The following CHL1 variants were observed in gnomAD, a reference collection of about 807,000 sequenced individuals.
CHL1 encodes the protein cell adhesion molecule L1 like.
CHL1 carries 96 observed loss-of-function variants against 141.9 expected under a neutral mutation model. The ratio of observed to expected loss-of-function variants is 0.68; its 90% confidence interval spans 0.57 to 0.80. The LOEUF (loss-of-function observed/expected upper bound fraction) is 0.80, where lower values mean the gene tolerates loss of function less well. Ranked by LOEUF, CHL1 falls within the 30% of genes least tolerant of loss-of-function variation. The pLI, the probability that CHL1 is intolerant of heterozygous loss-of-function variation, is 0.00. For synonymous variants in CHL1, 613 were observed against 502.2 expected (o/e 1.22, Z -2.95); for missense variants, 1,820 against 1,457.2 (o/e 1.25, Z -4.05).
chr3:361,794 G>C lies in CHL1; in HGVS notation c.1402G>C (p.Glu468Gln). 4 of 1,611,856 alleles carry C rather than the reference G, an allele frequency of 2.5e-6. No individual in the cohort carries two copies. In the South Asian group the frequency reaches 3.3e-5, roughly 13 times the overall value. Reference sequence around the variant, plus strand: ...ACATTGCGAGTTCTTTGCTTCACCTGAGGCAGTCGTGTCCTGGTAAGCCGG... The same window carrying C: ...ACATTGCGAGTTCTTTGCTTCACCTCAGGCAGTCGTGTCCTGGTAAGCCGG... ...FLHCEFFASP[E>Q]AVVSWQKVEE... is the part of the protein sequence containing the mutation. The change falls in exon 13 of 28, where the codon GAG (glutamate) becomes CAG (glutamine). Residue 468 changes from glutamate (E) to glutamine (Q), a missense_variant. Transcript: ENST00000256509.
chr3:202,090 C>T (rs1400832833), intron 1 of CHL1, among the ~76,000 whole-genome samples: 1 of 152,170 alleles, frequency 6.6e-6, no homozygotes, highest in Non-Finnish European at 1.5e-5. Context: ...TGTCAGCTTG[C>T]AGGTGTGTGG....
intron 2 of CHL1, among the ~76,000 whole-genome samples, chr3:300,534 A>T (rs1222548826): frequency 6.6e-6 from 1 of 152,132 alleles, no homozygotes; most frequent in Non-Finnish European, 1.5e-5. Context: ...ATTGGCATCC[A>T]ATTATTTTAT....
At chr3:346,739 C>G (rs887962078) in intron 9 of CHL1, among the ~76,000 whole-genome samples, 2 of 152,056 alleles carry the variant, frequency 1.3e-5, no homozygotes, top group African/African-American at 2.4e-5. Context: ...TGATCTGGGT[C>G]GTCTCTCAGA....
intron 5 of CHL1, among the ~76,000 whole-genome samples, chr3:332,482 G>T (rs1053841587): frequency 6.6e-6 from 1 of 152,138 alleles, no homozygotes; most frequent in Non-Finnish European, 1.5e-5. Context: ...TGTAAAATGG[G>T]TAGTAAGTGA....
chr3:383,478 G>T (rs572912226), intron 18 of CHL1, among the ~76,000 whole-genome samples: 1 of 151,860 alleles, frequency 6.6e-6, no homozygotes, highest in Non-Finnish European at 1.5e-5. Context: ...AATAGAGCAG[G>T]CTTAAATTAA....
At chr3:349,280 AG>A in intron 9 of CHL1, 78 bp from the exon 10 acceptor site, 2 of 1,234,932 alleles carry the variant, frequency 1.6e-6, no homozygotes, top group Non-Finnish European at 1.1e-6. Context: ...ACCCTGATAA[AG>A]GATGTGTCCT....
intron 1 of CHL1, among the ~76,000 whole-genome samples, chr3:211,007 C>A (rs1050255851): frequency 3.9e-5 from 6 of 152,162 alleles, no homozygotes; most frequent in African/African-American, 1.4e-4. Context: ...CTTTTCTCCT[C>A]TGATCTATTT....
intron 2 of CHL1, among the ~76,000 whole-genome samples, chr3:283,494 C>G (rs1379871280): frequency 1.3e-5 from 2 of 152,152 alleles, no homozygotes; most frequent in Admixed American, 1.3e-4. Flanking sequence ...ATTAGTCTAG[C>G]CAGTCAACTA....
intron 10 of CHL1, among the ~76,000 whole-genome samples, chr3:354,180 T>A (rs1230618811): frequency 6.6e-6 from 1 of 152,156 alleles, no homozygotes; most frequent in Non-Finnish European, 1.5e-5. Flanking sequence ...ATATTCAAAA[T>A]AAGCATTAAA....
chr3:302,108 T>C (rs6768176), intron 2 of CHL1, among the ~76,000 whole-genome samples: 4,481 of 152,342 alleles, frequency 0.029, 221 homozygotes, highest in African/African-American at 0.1. Context: ...TAGTATTCCA[T>C]GGTGTATATG....
intron 1 of CHL1, chr3:197,597 C>G (rs748916442): frequency 2.8e-6 from 1 of 352,542 alleles, no homozygotes; most frequent in Non-Finnish European, 5.6e-6. Context: ...CTGTGTGGCT[C>G]CTCCTCTCAG....
intron 2 of CHL1, among the ~76,000 whole-genome samples, chr3:308,256 C>T (rs767575088): frequency 6.6e-6 from 1 of 152,188 alleles, no homozygotes; most frequent in Admixed American, 6.5e-5. Flanking sequence ...TTCATTCGTT[C>T]ATCCAGAAGG....
intron 2 of CHL1, among the ~76,000 whole-genome samples, chr3:254,167 T>C (rs942898952): frequency 4.6e-5 from 7 of 152,146 alleles, no homozygotes; most frequent in Non-Finnish European, 1.0e-4. Flanking sequence ...AGTACTCCTT[T>C]GTGCAATGTC....
intron 5 of CHL1, among the ~76,000 whole-genome samples, chr3:335,883 C>T (rs1701824613): frequency 2.0e-5 from 3 of 152,160 alleles, no homozygotes; most frequent in East Asian, 1.9e-4. Context: ...TACCTTGTCT[C>T]TGTGCGTTTG....
chr3:231,944 C>T (rs530456441), intron 1 of CHL1, among the ~76,000 whole-genome samples: 36 of 152,136 alleles, frequency 2.4e-4, no homozygotes, highest in African/African-American at 8.7e-4. Context: ...GCTTACCTAG[C>T]CCAATATAAA....
chr3:328,909 T>A (rs1453409385), intron 5 of CHL1, among the ~76,000 whole-genome samples: 1 of 152,182 alleles, frequency 6.6e-6, no homozygotes, highest in Non-Finnish European at 1.5e-5. Context: ...CCTACTCATG[T>A]TTTGTTAGGT....
rs78060471 is a variant in CHL1 at position 301,469 on chromosome 3, G to T, written c.-94-18214G>T. Among the ~76,000 whole-genome samples, 159 of 152,302 alleles carry T rather than the reference G, an allele frequency of 1.0e-3. 1 individual carries two copies. In the East Asian group the frequency reaches 0.028, roughly 27 times the overall value. On this transcript the variant is annotated intron_variant, in intron 2 of 27. Coordinates refer to ENST00000256509, the MANE Select transcript of CHL1 (RefSeq NM_006614.4). The stretch of plus-strand genomic sequence containing the variant: ...ATAAACAAGCAAAAGTGACTTGTTA[G>T]AGCCAGCAGCTATATTTTGAGTACC...
intron 2 of CHL1, among the ~76,000 whole-genome samples, chr3:295,693 G>T (rs989101342): frequency 6.6e-6 from 1 of 152,194 alleles, no homozygotes; most frequent in Non-Finnish European, 1.5e-5. Flanking sequence ...TGAATGGGAA[G>T]TGTCCTAATG....
intron 5 of CHL1, among the ~76,000 whole-genome samples, chr3:340,233 A>G (rs1050953363): frequency 2.6e-5 from 4 of 152,172 alleles, no homozygotes; most frequent in Non-Finnish European, 5.9e-5. Flanking sequence ...TAATGGGAGT[A>G]ATTTCAATGT....
Sources: allele counts gnomAD v4.1 joint callset (sites outside exome capture counted in the v4.1 genomes callset), GRCh38; gene constraint gnomAD v4.1.1; transcripts MANE v1.5; gene names NCBI Gene and HGNC (gene_info 2026-07-23, HGNC 2026-07-21).